The following PACRG variants were observed in gnomAD, a reference collection of about 807,000 sequenced individuals.
The protein encoded by PACRG is parkin coregulated gene protein.
A neutral mutation model predicts 29.7 loss-of-function variants in PACRG; 29 were observed. The ratio of observed to expected loss-of-function variants is 0.98; its 90% confidence interval spans 0.73 to 1.33. The LOEUF (loss-of-function observed/expected upper bound fraction) is 1.33, where lower values mean the gene tolerates loss of function less well. Ranked by LOEUF, PACRG falls within the 40% of genes most tolerant of loss-of-function variation. The probability of loss-of-function intolerance (pLI) is 0.00; values close to 1 mark genes in which losing one functional copy is unlikely to be tolerated. For synonymous variants in PACRG, 116 were observed against 118.7 expected (o/e 0.98, Z 0.15); for missense variants, 279 against 316.2 (o/e 0.88, Z 0.89).
chr6:163,127,124 A>C (rs559109371), intron 4 of PACRG, among the ~76,000 whole-genome samples: 1 of 152,344 alleles, frequency 6.6e-6, no homozygotes, highest in East Asian at 1.9e-4. Flanking sequence ...CAACAGGGTC[A>C]ATGAAGTGGC....
intron 4 of PACRG, among the ~76,000 whole-genome samples, chr6:163,265,289 T>C (rs13209061): frequency 0.24 from 37,098 of 151,962 alleles, 4,910 homozygotes; most frequent in Admixed American, 0.33. Flanking sequence ...TGCAGGCCCC[T>C]TCTGGTCCGC....
At chr6:162,951,644 C>T (rs1160046841) in intron 2 of PACRG, among the ~76,000 whole-genome samples, 2 of 152,216 alleles carry the variant, frequency 1.3e-5, no homozygotes, top group Non-Finnish European at 2.9e-5. Flanking sequence ...CTTTGAGCAC[C>T]TCAGTTGGCC....
intron 2 of PACRG, among the ~76,000 whole-genome samples, chr6:162,888,070 G>C (rs531575168): frequency 6.6e-6 from 1 of 152,044 alleles, no homozygotes; most frequent in Non-Finnish European, 1.5e-5. Context: ...GATGAACGTC[G>C]TGTCCTCATA....
intron 1 of PACRG, among the ~76,000 whole-genome samples, chr6:162,774,039 T>G (rs1357245843): frequency 6.6e-6 from 1 of 152,236 alleles, no homozygotes; most frequent in African/African-American, 2.4e-5. Flanking sequence ...ACAATTGAAG[T>G]AATTTAATTT....
intron 1 of PACRG, among the ~76,000 whole-genome samples, chr6:162,753,492 A>G (rs994052301): frequency 6.6e-6 from 1 of 152,050 alleles, no homozygotes; most frequent in South Asian, 2.1e-4. Flanking sequence ...TTTTTTATCC[A>G]TTTGTCCATT....
At chr6:162,860,905 G>A (rs1791803270) in intron 2 of PACRG, among the ~76,000 whole-genome samples, 1 of 152,182 alleles carries the variant, frequency 6.6e-6, no homozygotes, top group African/African-American at 2.4e-5. Flanking sequence ...TTGCTTGAGA[G>A]AATGAGTAAA....
chr6:162,933,194 A>G (rs1218447885), intron 2 of PACRG, among the ~76,000 whole-genome samples: 1 of 152,102 alleles, frequency 6.6e-6, no homozygotes, highest in Non-Finnish European at 1.5e-5. Context: ...TTCTGGTTTT[A>G]TTACATTGTG....
At chr6:162,766,665 A>G (rs1782816285) in intron 1 of PACRG, among the ~76,000 whole-genome samples, 1 of 152,158 alleles carries the variant, frequency 6.6e-6, no homozygotes, top group Non-Finnish European at 1.5e-5. Context: ...AAATGGCTGT[A>G]CGAATTTTGA....
chr6:163,122,936 G>A (rs1282566226), intron 4 of PACRG, among the ~76,000 whole-genome samples: 2 of 152,118 alleles, frequency 1.3e-5, no homozygotes, highest in Non-Finnish European at 2.9e-5. Context: ...ATACAGCTCC[G>A]AAGACTGGAG....
chr6:162,897,219 A>G (rs960830975), intron 2 of PACRG, among the ~76,000 whole-genome samples: 1 of 152,276 alleles, frequency 6.6e-6, no homozygotes, highest in Non-Finnish European at 1.5e-5. Flanking sequence ...ACAACAAGTC[A>G]TGAAGCTGAA....
intron 4 of PACRG, among the ~76,000 whole-genome samples, chr6:163,211,067 A>G (rs1373842910): frequency 6.6e-6 from 1 of 152,214 alleles, no homozygotes; most frequent in Non-Finnish European, 1.5e-5. Flanking sequence ...CTTACATGAT[A>G]GATTCTATCA....
chr6:163,069,302 A>G (rs969260313), intron 3 of PACRG, among the ~76,000 whole-genome samples: 8 of 152,058 alleles, frequency 5.3e-5, no homozygotes, highest in Non-Finnish European at 7.4e-5. Context: ...AAAAAAAAAA[A>G]AGTAAGTTAG....
chr6:162,984,097 C>A (rs1371173643), intron 2 of PACRG, among the ~76,000 whole-genome samples: 1 of 151,770 alleles, frequency 6.6e-6, no homozygotes, highest in African/African-American at 2.4e-5. Context: ...TTAGTGGTGA[C>A]TTATGAGATT....
At chr6:163,003,745 A>G (rs1584983546) in intron 2 of PACRG, among the ~76,000 whole-genome samples, 1 of 152,286 alleles carries the variant, frequency 6.6e-6, no homozygotes, top group Non-Finnish European at 1.5e-5. Flanking sequence ...TCTGTCATTT[A>G]TTGCCCTTCT....
intron 2 of PACRG, among the ~76,000 whole-genome samples, chr6:162,895,104 C>T (rs113284634): frequency 4.2e-5 from 6 of 144,574 alleles, no homozygotes; most frequent in African/African-American, 1.5e-4. Context: ...TCTACCCCCC[C>T]GCCCCCAAAA....
chr6:162,976,417 A>G (rs73607886), intron 2 of PACRG, among the ~76,000 whole-genome samples: 10,827 of 152,206 alleles, frequency 0.071, 1,040 homozygotes, highest in African/African-American at 0.22. Flanking sequence ...ATCTTTAACT[A>G]ACAGGACTGG....
intron 2 of PACRG, among the ~76,000 whole-genome samples, chr6:162,884,346 A>C (rs533767689): frequency 1.3e-5 from 2 of 152,340 alleles, no homozygotes; most frequent in East Asian, 3.9e-4. Context: ...TTTATTGAAA[A>C]AAATCCTTGT....
intron 2 of PACRG, among the ~76,000 whole-genome samples, chr6:163,026,781 C>T (rs1391752459): frequency 6.6e-6 from 1 of 152,190 alleles, no homozygotes; most frequent in Non-Finnish European, 1.5e-5. Flanking sequence ...CTAAATAAGG[C>T]GTTTCATAGC....
At chr6:162,816,740 C>G (rs1223510664) in intron 2 of PACRG, among the ~76,000 whole-genome samples, 1 of 152,138 alleles carries the variant, frequency 6.6e-6, no homozygotes, top group Non-Finnish European at 1.5e-5. Flanking sequence ...AAAGGACAAT[C>G]TGGTGCTAAG....
Sources: gnomAD v4.1 joint callset for allele counts (sites outside exome capture counted in the v4.1 genomes callset) on GRCh38, gnomAD v4.1.1 for gene constraint, MANE v1.5 for transcripts, NCBI Gene and HGNC (gene_info 2026-07-23, HGNC 2026-07-21) for gene names.